PIAS4: variants seen among roughly 807,000 people sequenced by gnomAD.
The protein encoded by PIAS4 is protein inhibitor of activated STAT 4.
In PIAS4, 7 loss-of-function variants were observed where a neutral mutation model predicts 58.0. The ratio of observed to expected loss-of-function variants is 0.12; its 90% CI spans 0.07 to 0.23. The LOEUF is 0.23. Ranked by LOEUF, PIAS4 falls within the 10% of genes least tolerant of loss-of-function variation. The pLI is 1.00. For missense variants in PIAS4, 550 were observed against 709.5 expected, an observed-to-expected ratio of 0.78 and a Z score of 2.55; for synonymous variants, 364 against 312.4, an observed-to-expected ratio of 1.17 and a Z score of -1.74.
intron 2 of PIAS4, among the ~76,000 whole-genome samples, chr19:4,015,909 G>A (rs2040048677): frequency 6.6e-6 from 1 of 152,244 alleles, no homozygotes; most frequent in Admixed American, 6.5e-5. Flanking sequence ...GGGAGGGGGT[G>A]ACAGAGCCAC....
At chr19:4,015,394 G>C (rs777801263) in intron 2 of PIAS4, among the ~76,000 whole-genome samples, 1 of 152,138 alleles carries the variant, frequency 6.6e-6, no homozygotes, top group South Asian at 2.1e-4. Context: ...CCTGATCTCC[G>C]GGAGAGCCTG....
chr19:4,025,892 T>C (rs1263411955), intron 3 of PIAS4, among the ~76,000 whole-genome samples: 1 of 151,634 alleles, frequency 6.6e-6, no homozygotes, highest in Non-Finnish European at 1.5e-5. Context: ...GCTAACACAG[T>C]GAAACCCCGT....
chr19:4,016,181 C>T (rs1024239585), intron 2 of PIAS4, among the ~76,000 whole-genome samples: 7 of 152,204 alleles, frequency 4.6e-5, no homozygotes, highest in Non-Finnish European at 7.4e-5. Context: ...CTGGGGAGTC[C>T]GGCTAGGGAG....
At chr19:4,029,099 C>A in intron 7 of PIAS4, 63 bp downstream of exon 7, 1 of 1,230,830 alleles carries the variant, frequency 8.1e-7, no homozygotes, top group Non-Finnish European at 1.2e-6. Context: ...CCGCCCTGTG[C>A]TGGGTGAAGC....
At chr19:4,020,165 C>G (rs893576235) in intron 2 of PIAS4, among the ~76,000 whole-genome samples, 2 of 152,328 alleles carry the variant, frequency 1.3e-5, no homozygotes, top group East Asian at 3.9e-4. Context: ...ATCCGACTGC[C>G]TCGGCCTCCC....
At chr19:4,017,916 C>T (rs1044348099) in intron 2 of PIAS4, 1 of 152,242 alleles carries the variant, frequency 6.6e-6, no homozygotes, top group African/African-American at 2.4e-5. Flanking sequence ...TTCAGGTGAT[C>T]CACCTACCTT....
chr19:4,038,559 AC>A lies in PIAS4; in HGVS notation c.*687del, dbSNP rs1362047519. On this transcript the variant is annotated 3_prime_UTR_variant, in exon 11 of 11. Coordinates refer to ENST00000262971, the MANE Select transcript of PIAS4 (RefSeq NM_015897.4). The surrounding 1 kb of genome is among the most constrained non-coding windows in gnomAD (Gnocchi z 4.1). ...AGTGCAATAATTTGGTATTTTGAAG[AC>A]CCGGCGTGTGGTCAGGAACCCCCGG... 1.3e-5 allele frequency: 2 copies of A among 151,820 alleles called. No individual in the cohort carries two copies. The highest frequency in any genetic ancestry group is 2.9e-5 in the Non-Finnish European group (2 of 67,962). 9.4% of individuals were successfully genotyped at this position (151,820 alleles called of 1,614,324 possible).
chr19:4,033,817 C>A (rs558479238), intron 9 of PIAS4, among the ~76,000 whole-genome samples: 1 of 152,340 alleles, frequency 6.6e-6, no homozygotes, highest in South Asian at 2.1e-4. Flanking sequence ...AAGGTGGGCT[C>A]CGGTCCACCC....
intron 9 of PIAS4, 55 bp downstream of exon 9, chr19:4,033,635 G>T: frequency 6.8e-7 from 1 of 1,460,328 alleles, no homozygotes; most frequent in Non-Finnish European, 9.3e-7. Flanking sequence ...TGGAGGTCTC[G>T]GTGGCACCCC....
intron 3 of PIAS4, among the ~76,000 whole-genome samples, chr19:4,026,307 A>G (rs540373539): frequency 1.5e-5 from 2 of 137,016 alleles, no homozygotes; most frequent in African/African-American, 7.2e-5. Context: ...TAATTTTTGT[A>G]TTTTTAGTAG....
chr19:4,007,897 C>A (rs2039958287), intron 1 of PIAS4, 110 bp downstream of exon 1: 3 of 804,214 alleles, frequency 3.7e-6, no homozygotes, highest in East Asian at 4.0e-5. Flanking sequence ...GCGGCCGGCC[C>A]GCGGCTCGCC....
chr19:4,024,965 A>G (rs530323219), intron 3 of PIAS4, among the ~76,000 whole-genome samples: 1 of 152,256 alleles, frequency 6.6e-6, no homozygotes, highest in African/African-American at 2.4e-5. Flanking sequence ...GGGTTTTGCC[A>G]TGTTGATCAG....
intron 7 of PIAS4, among the ~76,000 whole-genome samples, chr19:4,032,229 A>T (rs1265486251): frequency 6.6e-6 from 1 of 152,152 alleles, no homozygotes; most frequent in Non-Finnish European, 1.5e-5. Flanking sequence ...GGCTGGCACC[A>T]TCACTCTGGA....
At chr19:4,033,274 C>CG in intron 8 of PIAS4, 101 bp downstream of exon 8, 1 of 1,369,594 alleles carries the variant, frequency 7.3e-7, no homozygotes, top group Non-Finnish European at 1.0e-6. Context: ...CGTGAGCCTG[C>CG]GGGGGCGAGG....
At position 4,013,915 on chromosome 19, in the gene PIAS4, C is replaced by T. The variant is rs755616957; in HGVS notation, c.454+566C>T. Among the ~76,000 whole-genome samples, 1 of 152,186 alleles carries T rather than the reference C, an allele frequency of 6.6e-6. No homozygotes were observed. The highest frequency in any genetic ancestry group is 1.5e-5 in the Non-Finnish European group (1 of 68,022). ...CGGACACGCCTCGCCATCTCCCCCA[C>T]AGAGTCCGTTGCTCACACAGACTCT... On this transcript the variant is annotated intron_variant, in intron 2 of 10. Coordinates refer to ENST00000262971, the MANE Select transcript of PIAS4 (RefSeq NM_015897.4). This position sits in a 1 kb window ranked among gnomAD's most constrained non-coding sequence, Gnocchi z 5.1.
chr19:4,028,368 AC>A (rs937293302), intron 4 of PIAS4, 141 bp from the exon 5 acceptor site: 3 of 792,654 alleles, frequency 3.8e-6, no homozygotes, highest in African/African-American at 1.7e-5. Flanking sequence ...CTCAGGCCAC[AC>A]CCGGGGGCCC....
In PIAS4 at chr19:4,035,436, G is replaced by C. The variant is rs1047103526; in HGVS notation, c.1142+1856G>C. The stretch of plus-strand genomic sequence containing the variant: ...GGAGCAGAACCAGGGCCTGCCTCCA[G>C]TTGGCCTTGTGGCCTCAGGGAACTC... On this transcript the variant is annotated intron_variant, in intron 9 of 10. Coordinates refer to ENST00000262971, the MANE Select transcript of PIAS4 (RefSeq NM_015897.4). 3.8e-4 allele frequency among the ~76,000 whole-genome samples: 58 copies of C among 152,278 alleles called. 1 individual carries two copies. The South Asian group carries it at 4.6e-3, about 12-fold the overall frequency.
intron 7 of PIAS4, 113 bp from the exon 8 acceptor site, chr19:4,032,987 C>A: frequency 2.4e-6 from 2 of 830,630 alleles, no homozygotes; most frequent in Non-Finnish European, 3.9e-6. Flanking sequence ...TGGGACTCAT[C>A]GTCAGGGGCC....
chr19:4,008,474 C>T (rs1320867824), intron 1 of PIAS4, among the ~76,000 whole-genome samples: 1 of 152,188 alleles, frequency 6.6e-6, no homozygotes, highest in Non-Finnish European at 1.5e-5. Flanking sequence ...CTTCCCGACA[C>T]CGTCTCTCAC....
Sources: gnomAD v4.1 joint callset for allele counts (sites outside exome capture counted in the v4.1 genomes callset) on GRCh38, gnomAD v4.1.1 for gene constraint, Gnocchi (gnomAD v3.1) non-coding constraint, MANE v1.5 for transcripts, NCBI Gene and HGNC (gene_info 2026-07-23, HGNC 2026-07-21) for gene names.